LRRC7: variants seen among roughly 807,000 people sequenced by gnomAD.
LRRC7 encodes leucine-rich repeat-containing protein 7.
In LRRC7, 23 loss-of-function variants were observed where a neutral mutation model predicts 175.7. The ratio of observed to expected loss-of-function variants is 0.13; its 90% CI spans 0.09 to 0.19. The LOEUF is 0.19. Among genes scored for constraint, LRRC7 ranks in the 10% least tolerant of loss-of-function variants. The pLI, the probability that LRRC7 is intolerant of heterozygous loss-of-function variation, is 1.00. For synonymous variants in LRRC7, 685 were observed against 680.9 expected, an observed-to-expected ratio of 1.01 and a Z score of -0.09; for missense variants, 1,354 against 1,904.7, an observed-to-expected ratio of 0.71 and a Z score of 5.38.
intron 10 of LRRC7, among the ~76,000 whole-genome samples, chr1:69,993,405 G>T (rs954329184): frequency 2.0e-5 from 3 of 152,110 alleles, no homozygotes; most frequent in Non-Finnish European, 4.4e-5. Context: ...CTTTATTTCA[G>T]ACTTTTTGTG....
chr1:70,034,373 T>TA (rs147172791), intron 18 of LRRC7, among the ~76,000 whole-genome samples: 121 of 149,702 alleles, frequency 8.1e-4, no homozygotes, highest in Non-Finnish European at 8.5e-4. Context: ...AAAGGATTTA[T>TA]AAAAAAAAAA....
chr1:70,057,634 G>T (rs181332077), intron 23 of LRRC7, among the ~76,000 whole-genome samples: 59 of 152,070 alleles, frequency 3.9e-4, no homozygotes, highest in Non-Finnish European at 6.9e-4. Flanking sequence ...TAAGCCATCA[G>T]AAACCACAGT....
rs534389435 is a variant in LRRC7, at chr1:70,074,480, T to C, written c.4231-1597T>C. ...AATAGAGAAATACAGATTTGCCCTTTATGAGATTATCTTAGTTGTATTTAT... is the reference window on the plus strand; with the variant it reads ...AATAGAGAAATACAGATTTGCCCTTCATGAGATTATCTTAGTTGTATTTAT... On this transcript the variant is annotated intron_variant, in intron 23 of 26. Transcript: ENST00000651989. 2.1e-4 allele frequency among the ~76,000 whole-genome samples: 32 copies of C among 152,364 alleles called. No individual in the cohort carries two copies. The South Asian group carries it at 5.2e-3, about 25-fold the overall frequency.
Position 69,652,888 on chromosome 1 carries a change from G to A in LRRC7, c.3-25493G>A, listed in dbSNP as rs187000867. 2.5e-3 allele frequency among the ~76,000 whole-genome samples: 379 copies of A among 152,158 alleles called. 2 individuals carry two copies. The highest frequency in any genetic ancestry group is 3.7e-3 in the Non-Finnish European group (252 of 67,956). ...CATCAAGACTATTCAATGGGGAAAG[G>A]ATAGTTTCTTCAAGAAATAGTGTGG... is the stretch of plus-strand genomic sequence containing the variant. On this transcript the variant is annotated intron_variant, in intron 1 of 26. Coordinates refer to ENST00000651989, the MANE Select transcript of LRRC7 (RefSeq NM_001370785.2).
chr1:69,677,389 C>T (rs1175529524), intron 1 of LRRC7, among the ~76,000 whole-genome samples: 1 of 151,528 alleles, frequency 6.6e-6, no homozygotes, highest in Non-Finnish European at 1.5e-5. Context: ...CATATGAGTG[C>T]AGGTGTTTTT....
At chr1:70,096,523 A>G (rs1664409614) in intron 25 of LRRC7, among the ~76,000 whole-genome samples, 1 of 152,186 alleles carries the variant, frequency 6.6e-6, no homozygotes, top group Admixed American at 6.5e-5. Context: ...TAAAATGATT[A>G]AAGAAAAGTC....
chr1:70,088,006 T>G (rs955282361), intron 24 of LRRC7, among the ~76,000 whole-genome samples: 1 of 152,128 alleles, frequency 6.6e-6, no homozygotes, highest in Non-Finnish European at 1.5e-5. Flanking sequence ...ACAATAAAAA[T>G]GTAAAGAGTG....
chr1:69,629,755 G>A (rs1445498401), intron 1 of LRRC7, among the ~76,000 whole-genome samples: 1 of 151,898 alleles, frequency 6.6e-6, no homozygotes, highest in Non-Finnish European at 1.5e-5. Context: ...TATGTTAACT[G>A]TAGAGGAAAG....
At chr1:69,929,347 C>A (rs572140233) in intron 7 of LRRC7, among the ~76,000 whole-genome samples, 1 of 152,284 alleles carries the variant, frequency 6.6e-6, no homozygotes, top group East Asian at 1.9e-4. Context: ...AAATTTCCAA[C>A]TGAACACCTA....
chr1:69,854,480 G>T (rs1041864337), intron 7 of LRRC7, among the ~76,000 whole-genome samples: 8 of 152,118 alleles, frequency 5.3e-5, no homozygotes, highest in Admixed American at 1.3e-4. Context: ...TCCAGCCTGG[G>T]CAACAGAGCA....
intron 2 of LRRC7, among the ~76,000 whole-genome samples, chr1:69,758,252 A>G (rs1292654377): frequency 1.3e-5 from 2 of 152,066 alleles, no homozygotes; most frequent in Non-Finnish European, 1.5e-5. Context: ...TCTGGTTCCC[A>G]GAAATGAAAA....
rs921198884 is a variant in LRRC7, at chr1:70,136,836, C to T, written c.*14949C>T. 2.7e-5 allele frequency among the ~76,000 whole-genome samples: 4 copies of T among 147,978 alleles called. No individual in the cohort carries two copies. The highest frequency in any genetic ancestry group is 1.0e-4 in the African/African-American group (4 of 40,014). On this transcript the variant is annotated 3_prime_UTR_variant, in exon 27 of 27. Coordinates refer to ENST00000651989, the MANE Select transcript of LRRC7 (RefSeq NM_001370785.2). ...CCTTGACCACCTGGGCTCAAGTGAT[C>T]CACCTCAGCCTCCTGAGTAGCTGGG...
At chr1:69,891,307 G>C (rs1645825610) in intron 7 of LRRC7, among the ~76,000 whole-genome samples, 1 of 152,254 alleles carries the variant, frequency 6.6e-6, no homozygotes, top group Admixed American at 6.5e-5. Context: ...ATCCCAAGGA[G>C]AGGGAGAGAG....
intron 3 of LRRC7, among the ~76,000 whole-genome samples, chr1:69,786,202 C>A (rs1344755856): frequency 6.6e-6 from 1 of 152,142 alleles, no homozygotes; most frequent in Non-Finnish European, 1.5e-5. Context: ...TGGGGCAATA[C>A]TAACACAGGA....
intron 2 of LRRC7, among the ~76,000 whole-genome samples, chr1:69,698,060 G>T (rs1000096655): frequency 6.6e-6 from 1 of 152,192 alleles, no homozygotes; most frequent in African/African-American, 2.4e-5. Context: ...TGGGGCAAGA[G>T]TTCAGGAAGT....
intron 5 of LRRC7, among the ~76,000 whole-genome samples, chr1:69,828,946 TAAGG>T (rs1290219899): frequency 1.3e-5 from 2 of 152,080 alleles, no homozygotes; most frequent in East Asian, 3.9e-4. Context: ...AATGTTGAAA[TAAGG>T]GTGACTGAAA....
chr1:69,871,601 A>G (rs1361023670), intron 7 of LRRC7, among the ~76,000 whole-genome samples: 1 of 152,044 alleles, frequency 6.6e-6, no homozygotes, highest in Admixed American at 6.6e-5. Context: ...TATTTTCCTT[A>G]TATCAGCAAA....
At chr1:70,029,286 CA>C (rs1418468090) in intron 18 of LRRC7, among the ~76,000 whole-genome samples, 1 of 152,048 alleles carries the variant, frequency 6.6e-6, no homozygotes, top group Non-Finnish European at 1.5e-5. Flanking sequence ...AAAATATGAT[CA>C]CATGGTTAGT....
chr1:69,578,035 C>T (rs1310844758), intron 1 of LRRC7, among the ~76,000 whole-genome samples: 1 of 151,984 alleles, frequency 6.6e-6, no homozygotes, highest in Non-Finnish European at 1.5e-5. Flanking sequence ...TTTTCACAAC[C>T]TACTCATCTG....
Sources: gnomAD v4.1 joint callset for allele counts (sites outside exome capture counted in the v4.1 genomes callset) on GRCh38, gnomAD v4.1.1 for gene constraint, MANE v1.5 for transcripts, NCBI Gene and HGNC (gene_info 2026-07-23, HGNC 2026-07-21) for gene names.